The following ADAMTS16 variants were observed in gnomAD, a reference collection of about 807,000 sequenced individuals.
ADAMTS16 encodes A disintegrin and metalloproteinase with thrombospondin motifs 16.
A neutral mutation model predicts 145.8 loss-of-function variants in ADAMTS16; 94 were observed. The observed-to-expected ratio is 0.64, with a 90% CI of 0.55 to 0.77. ADAMTS16 has a LOEUF of 0.77. ADAMTS16 is among the 30% of genes least tolerant of loss of function. The probability of loss-of-function intolerance (pLI) is 0.00; values close to 1 mark genes in which losing one functional copy is unlikely to be tolerated. For synonymous variants in ADAMTS16, 659 were observed against 604.3 expected, an observed-to-expected ratio of 1.09 and a Z score of -1.33; for missense variants, 1,585 against 1,591.5, an observed-to-expected ratio of 1.00 and a Z score of 0.07.
At chr5:5,316,571 T>C (rs1734065009) in intron 21 of ADAMTS16, among the ~76,000 whole-genome samples, 1 of 152,172 alleles carries the variant, frequency 6.6e-6, no homozygotes, top group Admixed American at 6.5e-5. Context: ...CCTGCTCATG[T>C]TCTGTGGCAT....
At chr5:5,232,595 C>T in intron 12 of ADAMTS16, 79 bp downstream of exon 12, 4 of 1,290,288 alleles carry the variant, frequency 3.1e-6, no homozygotes, top group East Asian at 2.5e-5. Context: ...GCCTGTGTCT[C>T]AGCTCTTTTT....
At chr5:5,281,407 A>G (rs1176169676) in intron 18 of ADAMTS16, among the ~76,000 whole-genome samples, 1 of 152,254 alleles carries the variant, frequency 6.6e-6, no homozygotes, top group African/African-American at 2.4e-5. Flanking sequence ...AATTTAAAGT[A>G]ATCAAAATGT....
At chr5:5,302,794 G>T (rs531111867) in intron 18 of ADAMTS16, among the ~76,000 whole-genome samples, 1 of 152,124 alleles carries the variant, frequency 6.6e-6, no homozygotes, top group South Asian at 2.1e-4. Context: ...GTGATATTAC[G>T]GTTATGTTTT....
intron 20 of ADAMTS16, 151 bp downstream of exon 20, chr5:5,303,917 A>C: frequency 1.1e-6 from 1 of 878,516 alleles, no homozygotes; most frequent in Non-Finnish European, 1.7e-6. Flanking sequence ...CAACAACTTC[A>C]TGGGGTTGCT....
intron 17 of ADAMTS16, among the ~76,000 whole-genome samples, chr5:5,257,718 C>T (rs1299200344): frequency 6.6e-6 from 1 of 152,196 alleles, no homozygotes; most frequent in Non-Finnish European, 1.5e-5. Flanking sequence ...TCTCTAGATG[C>T]TGGCAGCTTG....
chr5:5,165,979 C>T (rs565339081), intron 3 of ADAMTS16, among the ~76,000 whole-genome samples: 2 of 152,312 alleles, frequency 1.3e-5, no homozygotes, highest in African/African-American at 4.8e-5. Flanking sequence ...TGTCCTTAGC[C>T]TTTCGGTCAT....
In ADAMTS16 at chr5:5,310,757, G is replaced by T. The variant is rs941128919; in HGVS notation, c.3411+4029G>T. 6.6e-6 allele frequency among the ~76,000 whole-genome samples: 1 copy of T among 152,174 alleles called. No individual in the cohort carries two copies. Among genetic ancestry groups the T allele is most frequent in the Non-Finnish European group, 1.5e-5 (1 of 68,040 alleles). On this transcript the variant is annotated intron_variant, in intron 21 of 22. Coordinates refer to ENST00000274181, the MANE Select transcript of ADAMTS16 (RefSeq NM_139056.4). This position sits in a 1 kb window ranked among gnomAD's most constrained non-coding sequence, Gnocchi z 4.3. The stretch of plus-strand genomic sequence containing the variant: ...CATACCTTAATTTTGGATTTCTGGC[G>T]TCCTAAACTGTGAAAGAATAAATTT...
chr5:5,176,622 C>T (rs1735204360), intron 3 of ADAMTS16, among the ~76,000 whole-genome samples: 1 of 152,172 alleles, frequency 6.6e-6, no homozygotes, highest in Non-Finnish European at 1.5e-5. Flanking sequence ...AAAATCACTG[C>T]TTCTCCTAGT....
Position 5,319,225 on chromosome 5 carries a change from A to G in ADAMTS16, c.*87A>G, listed in dbSNP as rs1734182502. ...AGCTGTGCAATCTACGTCGGAATAC[A>G]TCCAAGGAAGAGCAAAGCCAAAAGA... is the stretch of plus-strand genomic sequence containing the variant. On this transcript the variant is annotated 3_prime_UTR_variant, in exon 23 of 23. Transcript: ENST00000274181. 1.0e-6 allele frequency: 1 copy of G among 999,892 alleles called. No individual in the cohort carries two copies. The highest frequency in any genetic ancestry group is 1.5e-6 in the Non-Finnish European group (1 of 656,308). 61.9% of individuals were successfully genotyped at this position (999,892 alleles called of 1,614,324 possible).
intron 13 of ADAMTS16, among the ~76,000 whole-genome samples, chr5:5,236,713 A>G (rs1276966903): frequency 6.6e-6 from 1 of 152,208 alleles, no homozygotes; most frequent in East Asian, 1.9e-4. Flanking sequence ...AATGCCTACT[A>G]TGTGCCAAAC....
chr5:5,188,970 T>C (rs1735584612), intron 6 of ADAMTS16, among the ~76,000 whole-genome samples: 1 of 152,224 alleles, frequency 6.6e-6, no homozygotes, highest in African/African-American at 2.4e-5. Flanking sequence ...GTGTTAACTT[T>C]AATTAATGCA....
chr5:5,258,452 T>C (rs959584525), intron 17 of ADAMTS16, among the ~76,000 whole-genome samples: 2 of 152,240 alleles, frequency 1.3e-5, no homozygotes, highest in African/African-American at 4.8e-5. Flanking sequence ...ACGGACCTGC[T>C]GCAGCTGAAA....
intron 4 of ADAMTS16, 70 bp from the exon 5 acceptor site, chr5:5,185,982 A>G: frequency 4.4e-6 from 6 of 1,370,986 alleles, no homozygotes; most frequent in Admixed American, 1.8e-5. Context: ...AAATTTCTCT[A>G]TGACGAGTTA....
At chr5:5,229,847 T>C (rs555708268) in intron 11 of ADAMTS16, among the ~76,000 whole-genome samples, 19 of 152,324 alleles carry the variant, frequency 1.2e-4, no homozygotes, top group African/African-American at 4.6e-4. Flanking sequence ...AGAATATCAT[T>C]AGCCTTGCAA....
intron 17 of ADAMTS16, among the ~76,000 whole-genome samples, chr5:5,252,063 AT>A (rs1352644182): frequency 6.6e-6 from 1 of 152,070 alleles, no homozygotes; most frequent in Non-Finnish European, 1.5e-5. Flanking sequence ...GTTAGCCAGG[AT>A]GGTCTTGATC....
At chr5:5,285,093 C>T (rs937203140) in intron 18 of ADAMTS16, among the ~76,000 whole-genome samples, 1 of 152,068 alleles carries the variant, frequency 6.6e-6, no homozygotes, top group African/African-American at 2.4e-5. Context: ...ACCATCTCTC[C>T]CAAAATGACC....
chr5:5,166,689 A>AGAT (rs1488182921), intron 3 of ADAMTS16, among the ~76,000 whole-genome samples: 1 of 152,224 alleles, frequency 6.6e-6, no homozygotes, highest in Non-Finnish European at 1.5e-5. Context: ...GCAATGTCTC[A>AGAT]GATAGCACAG....
intron 17 of ADAMTS16, among the ~76,000 whole-genome samples, chr5:5,244,844 G>T (rs72724173): frequency 6.6e-6 from 1 of 152,132 alleles, no homozygotes; most frequent in African/African-American, 2.4e-5. Context: ...ACACGTAGGC[G>T]GTGCTCATGT....
At chr5:5,153,946 A>C (rs1380896673) in intron 3 of ADAMTS16, among the ~76,000 whole-genome samples, 2 of 152,164 alleles carry the variant, frequency 1.3e-5, no homozygotes, top group African/African-American at 2.4e-5. Flanking sequence ...TTGATTTGAC[A>C]CTTATTCAGG....
Sources: gnomAD v4.1 joint callset for allele counts (sites outside exome capture counted in the v4.1 genomes callset) on GRCh38, gnomAD v4.1.1 for gene constraint, Gnocchi (gnomAD v3.1) non-coding constraint, MANE v1.5 for transcripts, NCBI Gene and HGNC (gene_info 2026-07-23, HGNC 2026-07-21) for gene names.